The following ATP11B variants were observed in gnomAD, a reference collection of about 807,000 sequenced individuals.
The protein encoded by ATP11B is phospholipid-transporting ATPase IF.
Under a neutral mutation model 157.8 loss-of-function variants are expected in ATP11B, and 81 were observed. That is an observed-to-expected ratio of 0.51 (90% CI 0.43 to 0.62). ATP11B has a LOEUF of 0.62. Among genes scored for constraint, ATP11B ranks in the 20% least tolerant of loss-of-function variants. The pLI is 0.00. For synonymous variants in ATP11B, 451 were observed against 469.4 expected (o/e 0.96, Z 0.51); for missense variants, 1,165 against 1,402.2 (o/e 0.83, Z 2.70).
At chr3:182,819,123 C>T (rs1717158314) in intron 1 of ATP11B, among the ~76,000 whole-genome samples, 1 of 144,292 alleles carries the variant, frequency 6.9e-6, no homozygotes, top group African/African-American at 2.6e-5. Flanking sequence ...GTGTCCCAGG[C>T]TGGAGTGCAG....
intron 28 of ATP11B, among the ~76,000 whole-genome samples, chr3:182,900,963 C>G (rs778914537): frequency 6.6e-6 from 1 of 151,786 alleles, no homozygotes; most frequent in Non-Finnish European, 1.5e-5. Flanking sequence ...AGGTGGATCA[C>G]GAGGTCAGGA....
At chr3:182,898,826 A>G in intron 28 of ATP11B, 54 bp downstream of exon 28, 1 of 1,191,076 alleles carries the variant, frequency 8.4e-7, no homozygotes, top group Non-Finnish European at 1.1e-6. Context: ...ATCTTTAATA[A>G]TGAATAGCTG....
chr3:182,835,908 T>A (rs181511316), intron 4 of ATP11B, 127 bp from the exon 5 acceptor site: 1 of 631,468 alleles, frequency 1.6e-6, no homozygotes, highest in African/African-American at 1.9e-5. Context: ...AGCATGTGCA[T>A]CCAAATAGCC....
intron 26 of ATP11B, 140 bp downstream of exon 26, chr3:182,896,905 T>C (rs2108577974): frequency 3.1e-6 from 2 of 646,650 alleles, no homozygotes; most frequent in South Asian, 4.5e-5. Flanking sequence ...ACTATTTTAA[T>C]AGTTAAATTT....
chr3:182,855,448 T>C (rs1720321053), intron 10 of ATP11B, among the ~76,000 whole-genome samples: 1 of 152,154 alleles, frequency 6.6e-6, no homozygotes, highest in South Asian at 2.1e-4. Context: ...AAACAGAATC[T>C]TCAGGACTTA....
intron 19 of ATP11B, 90 bp downstream of exon 19, chr3:182,874,105 G>A (rs935197109): frequency 2.3e-5 from 25 of 1,079,110 alleles, no homozygotes; most frequent in Non-Finnish European, 3.3e-5. Context: ...GTCACTGCCT[G>A]TTTTTTACAG....
chr3:182,817,584 G>A (rs926528094), intron 1 of ATP11B, among the ~76,000 whole-genome samples: 1 of 152,154 alleles, frequency 6.6e-6, no homozygotes, highest in African/African-American at 2.4e-5. Context: ...CAGCCAGGGG[G>A]AACGTTTTAA....
chr3:182,914,975 A>G lies in ATP11B; in HGVS notation c.3452+981A>G, dbSNP rs143196106. On this transcript the variant is annotated intron_variant, in intron 29 of 29. Coordinates refer to ENST00000323116, the MANE Select transcript of ATP11B (RefSeq NM_014616.3). The stretch of plus-strand genomic sequence containing the variant: ...GTCCCAAATGTGCTACATGAATATT[A>G]GCACTTTCTACATGTGCCAGGGCTT... 10 of 985,334 alleles carry G rather than the reference A, an allele frequency of 1.0e-5. No individual in the cohort carries two copies. The East Asian group carries it at 1.0e-3, about 101-fold the overall frequency. The allele number at this position is 985,334 out of a possible 1,614,324, so 61.0% of individuals were successfully genotyped here.
chr3:182,848,857 T>C (rs1388700167), intron 10 of ATP11B, among the ~76,000 whole-genome samples: 1 of 152,114 alleles, frequency 6.6e-6, no homozygotes, highest in African/African-American at 2.4e-5. Flanking sequence ...AAACAACTAT[T>C]TGAAAACATT....
At chr3:182,894,848 T>C (rs1365794596) in intron 25 of ATP11B, among the ~76,000 whole-genome samples, 1 of 151,852 alleles carries the variant, frequency 6.6e-6, no homozygotes, top group African/African-American at 2.4e-5. Context: ...GCTGGGCACA[T>C]GGCTCATACC....
chr3:182,874,588 T>C (rs1721898515), intron 19 of ATP11B, among the ~76,000 whole-genome samples: 1 of 152,222 alleles, frequency 6.6e-6, no homozygotes, highest in Non-Finnish European at 1.5e-5. Flanking sequence ...CATTGATATG[T>C]TAGCTGTGCT....
intron 4 of ATP11B, chr3:182,833,602 T>G (rs952273818): frequency 6.6e-6 from 1 of 152,166 alleles, no homozygotes; most frequent in Admixed American, 6.6e-5. Flanking sequence ...GTGATGTAAT[T>G]ACAGGCTTGA....
intron 29 of ATP11B, chr3:182,914,889 G>A: frequency 1.0e-6 from 1 of 985,302 alleles, no homozygotes; most frequent in Non-Finnish European, 1.2e-6. Context: ...TCAAAATCAG[G>A]GCAGCAGTAC....
Position 182,913,987 on chromosome 3 carries a change from ATCAGCAGGTGT to A in ATP11B, c.3446_3452+4del. The A allele has an allele frequency of 6.2e-7, 1 of 1,613,896 alleles. No homozygotes were observed. Among genetic ancestry groups the A allele is most frequent in the Non-Finnish European group, 8.5e-7 (1 of 1,179,856 alleles). ...TATAGGAAGATGTAGTCCAACCCACATCAGCAGGTGTGAAATCTCTCTAAGTAGCCTTTGCT... is the reference window on the plus strand; with the variant it reads ...TATAGGAAGATGTAGTCCAACCCACAGAAATCTCTCTAAGTAGCCTTTGCT... On this transcript the variant is annotated splice_donor_variant and splice_donor_region_variant and coding_sequence_variant and intron_variant, in exon 29 of 30. Coordinates refer to ENST00000323116, the MANE Select transcript of ATP11B (RefSeq NM_014616.3). LOFTEE classifies it high-confidence loss of function.
intron 1 of ATP11B, among the ~76,000 whole-genome samples, chr3:182,809,449 A>G (rs1424347019): frequency 6.6e-6 from 1 of 152,058 alleles, no homozygotes; most frequent in Non-Finnish European, 1.5e-5. Flanking sequence ...GGGTTGTGCC[A>G]TGTTGGCCGG....
At chr3:182,862,818 GTT>G (rs61125208) in intron 12 of ATP11B, among the ~76,000 whole-genome samples, 2 of 142,760 alleles carry the variant, frequency 1.4e-5, no homozygotes, top group African/African-American at 5.1e-5. Flanking sequence ...TTCTTTTTCT[GTT>G]TTTTTTTTTA....
chr3:182,896,249 A>T (rs1723542463), intron 25 of ATP11B, among the ~76,000 whole-genome samples: 1 of 152,158 alleles, frequency 6.6e-6, no homozygotes, highest in South Asian at 2.1e-4. Context: ...ACAGGTTTTA[A>T]GTGTAAATTT....
In ATP11B at chr3:182,857,916, T is replaced by A; in HGVS notation, c.890T>A (p.Leu297His). ...TTTTTGATAATTTATCTAGTAATTC[T>A]TATATCTGAAGCTGTCATCAGCACT... ...NTFLIIYLVI[L>H]ISEAVISTIL... Residue 297 changes from leucine (L) to histidine (H), a missense_variant, in exon 11 of 30, where the codon CTT (leucine) becomes CAT (histidine). Transcript: ENST00000323116. The A allele has an allele frequency of 6.4e-7, 1 of 1,565,958 alleles. No individual in the cohort carries two copies. The highest frequency in any genetic ancestry group is 1.3e-5 in the African/African-American group (1 of 74,210).
At chr3:182,899,403 G>C (rs1288168099) in intron 28 of ATP11B, among the ~76,000 whole-genome samples, 4 of 151,798 alleles carry the variant, frequency 2.6e-5, no homozygotes. Flanking sequence ...CGCCTGCCTT[G>C]GCCTCCCGAA....
Sources: allele counts gnomAD v4.1 joint callset (sites outside exome capture counted in the v4.1 genomes callset), GRCh38; gene constraint gnomAD v4.1.1; transcripts MANE v1.5; gene names NCBI Gene and HGNC (gene_info 2026-07-23, HGNC 2026-07-21).